The following PPM1L variants were observed in gnomAD, a reference collection of about 807,000 sequenced individuals.
PPM1L encodes protein phosphatase 1L.
PPM1L carries 13 observed loss-of-function variants against 31.4 expected under a neutral mutation model. That is an observed-to-expected ratio of 0.41 (90% CI 0.27 to 0.66). The LOEUF (loss-of-function observed/expected upper bound fraction) is 0.66. PPM1L is among the 30% of genes least tolerant of loss of function. The pLI is 0.29. For missense variants in PPM1L, 326 were observed against 453.7 expected (o/e 0.72, Z 2.56); for synonymous variants, 184 against 175.4 (o/e 1.05, Z -0.39).
At chr3:160,922,129 T>C (rs1185320829) in intron 1 of PPM1L, among the ~76,000 whole-genome samples, 3 of 151,968 alleles carry the variant, frequency 2.0e-5, no homozygotes, top group Non-Finnish European at 2.9e-5. Context: ...GCTAACACGG[T>C]GAAACCCCAT....
intron 1 of PPM1L, among the ~76,000 whole-genome samples, chr3:160,843,036 T>C (rs1713937795): frequency 6.6e-6 from 1 of 152,210 alleles, no homozygotes; most frequent in South Asian, 2.1e-4. Context: ...TGGCTTTTAC[T>C]ATTCTTAATA....
At chr3:161,060,060 G>A (rs1266702213) in intron 2 of PPM1L, among the ~76,000 whole-genome samples, 3 of 152,058 alleles carry the variant, frequency 2.0e-5, no homozygotes, top group Non-Finnish European at 2.9e-5. Flanking sequence ...ATCTTGTGAA[G>A]TTTATATTCT....
At chr3:161,039,808 G>A (rs180720909) in intron 2 of PPM1L, among the ~76,000 whole-genome samples, 21 of 152,238 alleles carry the variant, frequency 1.4e-4, no homozygotes, top group Non-Finnish European at 2.8e-4. Flanking sequence ...GAGCCACTGC[G>A]CCCGGCCATA....
chr3:160,883,213 A>G (rs779159640), intron 1 of PPM1L, among the ~76,000 whole-genome samples: 3 of 152,160 alleles, frequency 2.0e-5, no homozygotes, highest in Non-Finnish European at 4.4e-5. Context: ...GTTGTTATGC[A>G]TGTATTATAT....
At chr3:160,973,134 C>G (rs1433900067) in intron 2 of PPM1L, among the ~76,000 whole-genome samples, 1 of 152,166 alleles carries the variant, frequency 6.6e-6, no homozygotes, top group African/African-American at 2.4e-5. Flanking sequence ...TTTTAAAGAA[C>G]TTTGCTGAGA....
At chr3:161,020,502 C>T (rs1389252069) in intron 2 of PPM1L, among the ~76,000 whole-genome samples, 1 of 152,146 alleles carries the variant, frequency 6.6e-6, no homozygotes, top group Non-Finnish European at 1.5e-5. Flanking sequence ...TAAACCTTAT[C>T]AACTAACTAG....
chr3:160,961,491 T>G (rs1715962489), intron 1 of PPM1L, among the ~76,000 whole-genome samples: 1 of 152,186 alleles, frequency 6.6e-6, no homozygotes, highest in African/African-American at 2.4e-5. Flanking sequence ...TGCGAATATC[T>G]AACCAAGTCT....
At chr3:160,804,615 C>T (rs2108080102) in intron 1 of PPM1L, among the ~76,000 whole-genome samples, 1 of 152,288 alleles carries the variant, frequency 6.6e-6, no homozygotes, top group African/African-American at 2.4e-5. Context: ...TACCATTGCT[C>T]ATTTTCTTAT....
chr3:160,938,754 A>G (rs1715062408), intron 1 of PPM1L, among the ~76,000 whole-genome samples: 2 of 152,236 alleles, frequency 1.3e-5, no homozygotes, highest in African/African-American at 2.4e-5. Flanking sequence ...AATGTGTACA[A>G]GAGCACACAG....
intron 2 of PPM1L, among the ~76,000 whole-genome samples, chr3:161,004,982 C>G (rs1354395490): frequency 1.3e-5 from 2 of 152,104 alleles, no homozygotes; most frequent in Non-Finnish European, 2.9e-5. Context: ...GCATTTAGTG[C>G]TATAAATTTC....
At chr3:160,866,713 C>T (rs1204281767) in intron 1 of PPM1L, among the ~76,000 whole-genome samples, 1 of 152,108 alleles carries the variant, frequency 6.6e-6, no homozygotes, top group Admixed American at 6.6e-5. Context: ...AACTCATTCC[C>T]CCATATATTT....
intron 1 of PPM1L, among the ~76,000 whole-genome samples, chr3:160,820,899 A>T (rs892180721): frequency 6.6e-6 from 1 of 152,008 alleles, no homozygotes; most frequent in Non-Finnish European, 1.5e-5. Context: ...TTTTTTAAGG[A>T]TATATTTTTA....
chr3:160,775,512 T>C (rs1711541330), intron 1 of PPM1L, among the ~76,000 whole-genome samples: 1 of 152,202 alleles, frequency 6.6e-6, no homozygotes, highest in Non-Finnish European at 1.5e-5. Context: ...CTTTAAATAA[T>C]GACCAGGAAA....
chr3:161,042,049 C>T (rs970489813), intron 2 of PPM1L, among the ~76,000 whole-genome samples: 6 of 152,110 alleles, frequency 3.9e-5, no homozygotes, highest in South Asian at 2.1e-4. Context: ...CATACATGCA[C>T]GCAATACAAA....
At chr3:160,897,269 T>C (rs1161461627) in intron 1 of PPM1L, among the ~76,000 whole-genome samples, 1 of 152,002 alleles carries the variant, frequency 6.6e-6, no homozygotes, top group East Asian at 1.9e-4. Flanking sequence ...TCTCGATCTC[T>C]TGACCTCGTG....
chr3:160,974,207 T>A (rs1057509523), intron 2 of PPM1L, among the ~76,000 whole-genome samples: 8 of 151,882 alleles, frequency 5.3e-5, no homozygotes, highest in African/African-American at 1.7e-4. Flanking sequence ...GAACTCAACA[T>A]TTTTTATGGC....
intron 1 of PPM1L, among the ~76,000 whole-genome samples, chr3:160,954,418 A>G (rs1164341549): frequency 6.6e-6 from 1 of 151,944 alleles, no homozygotes; most frequent in African/African-American, 2.4e-5. Flanking sequence ...CTGGAGTGCA[A>G]TGGCGGCATC....
At chr3:160,815,408 A>T (rs936742932) in intron 1 of PPM1L, among the ~76,000 whole-genome samples, 20 of 152,104 alleles carry the variant, frequency 1.3e-4, no homozygotes, top group African/African-American at 4.6e-4. Flanking sequence ...CATTGAAAGT[A>T]GTGCTGGTCA....
At chr3:161,066,899 C>T (rs1263831505) in intron 3 of PPM1L, among the ~76,000 whole-genome samples, 1 of 152,212 alleles carries the variant, frequency 6.6e-6, no homozygotes, top group East Asian at 1.9e-4. Flanking sequence ...TTACAATCTC[C>T]TGCTTCAGTG....
Sources: gnomAD v4.1 joint callset for allele counts (sites outside exome capture counted in the v4.1 genomes callset) on GRCh38, gnomAD v4.1.1 for gene constraint, MANE v1.5 for transcripts, NCBI Gene and HGNC (gene_info 2026-07-23, HGNC 2026-07-21) for gene names.